The following CCSER2 variants were observed in gnomAD, a reference collection of about 807,000 sequenced individuals.
CCSER2 encodes the protein serine-rich coiled-coil domain-containing protein 2.
Under a neutral mutation model 92.3 loss-of-function variants are expected in CCSER2, and 46 were observed. That is an observed-to-expected ratio of 0.50 (90% CI 0.39 to 0.64). The LOEUF (loss-of-function observed/expected upper bound fraction) is 0.64, where lower values mean the gene tolerates loss of function less well. CCSER2 is among the 30% of genes least tolerant of loss of function. CCSER2 has a pLI of 0.00. For synonymous variants in CCSER2, 433 were observed against 431.4 expected (o/e 1.00, Z -0.04); for missense variants, 1,244 against 1,238.9 (o/e 1.00, Z -0.06).
chr10:84,352,275 G>T (rs549114211), intron 1 of CCSER2, among the ~76,000 whole-genome samples: 6 of 152,046 alleles, frequency 3.9e-5, no homozygotes, highest in African/African-American at 1.4e-4. Context: ...CTGCACTCCA[G>T]CCTGGCGACA....
intron 5 of CCSER2, among the ~76,000 whole-genome samples, chr10:84,431,938 G>T (rs1411214164): frequency 6.6e-6 from 1 of 152,110 alleles, no homozygotes; most frequent in East Asian, 1.9e-4. Context: ...CTATTGCTGG[G>T]TCATATGGGA....
rs1465313797 is a variant in CCSER2, at chr10:84,477,673, C to T, written c.2325+9C>T. Reference sequence around the variant, plus strand: ...CCTGGAGACGAATTCCTGTAAGTAACATTTGCTCTTAGCCTCCTCTCCAGT... The same window carrying T: ...CCTGGAGACGAATTCCTGTAAGTAATATTTGCTCTTAGCCTCCTCTCCAGT... On this transcript the variant is annotated intron_variant, in intron 9 of 9. Coordinates refer to ENST00000372088, the MANE Select transcript of CCSER2 (RefSeq NM_001284240.2). The T allele has an allele frequency of 6.6e-7, 1 of 1,504,386 alleles. No homozygotes were observed. The highest frequency in any genetic ancestry group is 2.3e-5 in the East Asian group (1 of 44,060). 93.2% of individuals were successfully genotyped at this position (1,504,386 alleles called of 1,614,324 possible).
chr10:84,404,839 A>G (rs1842298047), intron 3 of CCSER2, among the ~76,000 whole-genome samples: 1 of 152,204 alleles, frequency 6.6e-6, no homozygotes, highest in Non-Finnish European at 1.5e-5. Context: ...AAATCTAACA[A>G]AGTCTATACT....
At chr10:84,503,507 AT>A (rs1258720604) in intron 9 of CCSER2, among the ~76,000 whole-genome samples, 1 of 152,198 alleles carries the variant, frequency 6.6e-6, no homozygotes, top group Admixed American at 6.5e-5. Context: ...ATTGGGAGTA[AT>A]AAATAACCTA....
rs1849608517 is a variant in CCSER2 at position 84,516,706 on chromosome 10, C to T, written c.*2439C>T. 6.6e-6 allele frequency: 1 copy of T among 152,128 alleles called. No homozygotes were observed. Among genetic ancestry groups the T allele is most frequent in the Admixed American group, 6.5e-5 (1 of 15,274 alleles). 9.4% of individuals were successfully genotyped at this position (152,128 alleles called of 1,614,324 possible). ...GTTGACTCCAGTAATTTATTTTTCT[C>T]TATTTTTTCCTCCATGTATTTACTC... On this transcript the variant is annotated 3_prime_UTR_variant, in exon 10 of 10. Transcript: ENST00000372088.
Position 84,371,361 on chromosome 10 carries a change from A to C in CCSER2, c.309A>C (p.Gly103=). The change falls in exon 2 of 10, where the codon GGA becomes GGC. Residue 103 remains glycine (G), a synonymous_variant. Coordinates refer to ENST00000372088, the MANE Select transcript of CCSER2 (RefSeq NM_001284240.2). The stretch of plus-strand genomic sequence containing the variant: ...CTGAAAAACGTGTTCCTACTCAAGG[A>C]ATGTTTGATAAAAATGGGATAAAGG... ...IDPEKRVPTQ[G]MFDKNGIKGG... 2 of 1,613,668 alleles carry C rather than the reference A, an allele frequency of 1.2e-6. No individual in the cohort carries two copies. Among genetic ancestry groups the C allele is most frequent in the Non-Finnish European group, 1.7e-6 (2 of 1,179,840 alleles).
chr10:84,363,509 T>C (rs1402414877), intron 1 of CCSER2, among the ~76,000 whole-genome samples: 1 of 152,220 alleles, frequency 6.6e-6, no homozygotes, highest in East Asian at 1.9e-4. Context: ...TTCAGTTAAT[T>C]GCTCTTGTAC....
chr10:84,417,836 G>A lies in CCSER2; in HGVS notation c.1680G>A (p.Leu560=). Residue 560 remains leucine, a synonymous_variant, in exon 4 of 10, where the codon CTG becomes CTA. Coordinates refer to ENST00000372088, the MANE Select transcript of CCSER2 (RefSeq NM_001284240.2). The part of the protein sequence containing the change: ...EDDDLMLDVD[L]PEDAPLENVE... ...ATGATCTTATGCTTGATGTGGATCT[G>A]CCTGAGGATGCACCTCTTGAAAATG... is the stretch of plus-strand genomic sequence containing the variant. The A allele has an allele frequency of 6.3e-7, 1 of 1,578,546 alleles. No homozygotes were observed. The highest frequency in any genetic ancestry group is 8.7e-7 in the Non-Finnish European group (1 of 1,147,802).
chr10:84,472,690 C>G (rs767998313), intron 8 of CCSER2, among the ~76,000 whole-genome samples: 4 of 152,104 alleles, frequency 2.6e-5, no homozygotes, highest in Non-Finnish European at 5.9e-5. Context: ...TAAAAGGTCA[C>G]TTTATATGGA....
intron 1 of CCSER2, among the ~76,000 whole-genome samples, chr10:84,332,430 ATATATATTTT>A (rs1843618622): frequency 2.7e-5 from 2 of 72,968 alleles, no homozygotes; most frequent in Non-Finnish European, 4.8e-5. Context: ...ATATATATAT[ATATATATTTT>A]TTTTTTTTTT....
chr10:84,433,735 C>T (rs1286394331), intron 5 of CCSER2, among the ~76,000 whole-genome samples: 1 of 152,068 alleles, frequency 6.6e-6, no homozygotes, highest in African/African-American at 2.4e-5. Context: ...TGGGTAAAGA[C>T]GGTTATCTCT....
intron 6 of CCSER2, 38 bp from the exon 7 acceptor site, chr10:84,463,895 A>G (rs764907077): frequency 1.3e-5 from 18 of 1,337,446 alleles, no homozygotes; most frequent in Admixed American, 1.7e-5. Flanking sequence ...CACAATTACT[A>G]TATTAATCTA....
chr10:84,457,550 ATAT>A (rs1463948680), intron 6 of CCSER2, among the ~76,000 whole-genome samples: 57 of 117,264 alleles, frequency 4.9e-4, no homozygotes, highest in East Asian at 1.9e-3. Flanking sequence ...TATATAATGT[ATAT>A]TATTATATAT....
At chr10:84,484,448 A>G (rs769134553) in intron 9 of CCSER2, among the ~76,000 whole-genome samples, 4 of 151,038 alleles carry the variant, frequency 2.6e-5, no homozygotes, top group Non-Finnish European at 5.9e-5. Flanking sequence ...TAATGAGCCC[A>G]TTTATTTCTC....
chr10:84,506,796 AAAATAAAT>A (rs144088295), intron 9 of CCSER2, among the ~76,000 whole-genome samples: 16 of 147,964 alleles, frequency 1.1e-4, no homozygotes, highest in Middle Eastern at 3.4e-3. Flanking sequence ...CTCCATCTCA[AAAATAAAT>A]AAATAAATAA....
At chr10:84,364,928 G>A (rs1241951127) in intron 1 of CCSER2, among the ~76,000 whole-genome samples, 1 of 151,892 alleles carries the variant, frequency 6.6e-6, no homozygotes, top group Non-Finnish European at 1.5e-5. Flanking sequence ...TTGTGGCAGA[G>A]ACAGGGTCTC....
At chr10:84,474,662 C>CAAAAAAA (rs397844899) in intron 8 of CCSER2, among the ~76,000 whole-genome samples, 1 of 65,872 alleles carries the variant, frequency 1.5e-5, no homozygotes, top group Non-Finnish European at 2.9e-5. Context: ...GACTCCATCT[C>CAAAAAAA]AAAAAAAAAA....
chr10:84,328,671 G>A lies in CCSER2; in HGVS notation c.-177G>A, dbSNP rs1204367349. The A allele has an allele frequency of 6.6e-6, 1 of 151,492 alleles. No individual in the cohort carries two copies. The highest frequency in any genetic ancestry group is 1.9e-4 in the East Asian group (1 of 5,176). 9.4% of individuals were successfully genotyped at this position (151,492 alleles called of 1,614,324 possible). On this transcript the variant is annotated 5_prime_UTR_variant, in exon 1 of 10. Transcript: ENST00000372088. ...TCCCTCAGGCCGCGGACGCGATGCT[G>A]GTTGCTGCGGCTCGGGCGGCGGGGC...
intron 6 of CCSER2, among the ~76,000 whole-genome samples, chr10:84,457,286 TTATATATTA>T (rs1845731164): frequency 1.4e-5 from 1 of 72,352 alleles, no homozygotes; most frequent in Non-Finnish European, 2.4e-5. Context: ...ATATTATATA[TTATATATTA>T]TATATAATAT....
Sources: gnomAD v4.1 joint callset for allele counts (sites outside exome capture counted in the v4.1 genomes callset) on GRCh38, gnomAD v4.1.1 for gene constraint, MANE v1.5 for transcripts, NCBI Gene and HGNC (gene_info 2026-07-23, HGNC 2026-07-21) for gene names.